The following ETNPPL variants were observed in gnomAD, a reference collection of about 807,000 sequenced individuals.
ETNPPL encodes ethanolamine-phosphate phospho-lyase.
ETNPPL carries 30 observed loss-of-function variants against 55.5 expected under a neutral mutation model. The observed-to-expected ratio is 0.54, with a 90% CI of 0.40 to 0.73. ETNPPL has a LOEUF of 0.73. ETNPPL is among the 30% of genes least tolerant of loss of function. The probability of loss-of-function intolerance (pLI) is 0.00; values close to 1 mark genes in which losing one functional copy is unlikely to be tolerated. For synonymous variants in ETNPPL, 202 were observed against 207.2 expected, an observed-to-expected ratio of 0.98 and a Z score of 0.21; for missense variants, 528 against 607.9, an observed-to-expected ratio of 0.87 and a Z score of 1.38.
At chr4:108,760,652 GT>G (rs1361749434) in intron 1 of ETNPPL, among the ~76,000 whole-genome samples, 1 of 152,018 alleles carries the variant, frequency 6.6e-6, no homozygotes, top group Non-Finnish European at 1.5e-5. Flanking sequence ...AAATAACCAA[GT>G]TTTTTTGGGG....
chr4:108,743,126 G>A (rs1292181569), intron 12 of ETNPPL, among the ~76,000 whole-genome samples: 1 of 152,168 alleles, frequency 6.6e-6, no homozygotes, highest in Admixed American at 6.5e-5. Context: ...GCGCAGGCGG[G>A]CTCGAGGCAC....
In ETNPPL at chr4:108,746,858, G is replaced by T; in HGVS notation, c.1083-7C>A. On this transcript the variant is annotated splice_region_variant and splice_polypyrimidine_tract_variant and intron_variant, in intron 9 of 12. Coordinates refer to ENST00000296486, the MANE Select transcript of ETNPPL (RefSeq NM_031279.4). ...AATAAAAAGGCCAATGCCCCTGCGAGAGGTGAAGAAAAACTTGACCCACAA... is the reference window on the plus strand; with the variant it reads ...AATAAAAAGGCCAATGCCCCTGCGATAGGTGAAGAAAAACTTGACCCACAA... 2 of 1,608,366 alleles carry T rather than the reference G, an allele frequency of 1.2e-6. No individual in the cohort carries two copies. Among genetic ancestry groups the T allele is most frequent in the Non-Finnish European group, 1.7e-6 (2 of 1,175,022 alleles).
At position 108,757,807 on chromosome 4, in the gene ETNPPL, G is replaced by T. The variant is rs528824927; in HGVS notation, c.336-1315C>A. 5.8e-4 allele frequency among the ~76,000 whole-genome samples: 88 copies of T among 151,286 alleles called. 1 individual carries two copies. Among genetic ancestry groups the T allele is most frequent in the African/African-American group, 2.1e-3 (87 of 41,036 alleles). ...TACAAAAATTAGCCCAGGCATAGTG[G>T]GTTATGTAACCCCTATGGGTTACAG... On this transcript the variant is annotated intron_variant, in intron 3 of 12. Transcript: ENST00000296486.
chr4:108,754,761 T>C (rs1036424623), intron 4 of ETNPPL, 51 bp from the exon 5 acceptor site: 3 of 1,057,508 alleles, frequency 2.8e-6, no homozygotes, highest in East Asian at 2.4e-5. Context: ...CCAAGAGAGA[T>C]ATTTTCAAGT....
At chr4:108,759,400 C>CAAA (rs59227589) in intron 3 of ETNPPL, among the ~76,000 whole-genome samples, 62 of 70,196 alleles carry the variant, frequency 8.8e-4, no homozygotes, top group South Asian at 2.0e-3. Flanking sequence ...GGCTCCATCT[C>CAAA]AAAAAAAAAA....
intron 5 of ETNPPL, among the ~76,000 whole-genome samples, chr4:108,753,808 A>AAAGAAAGAAAGAAAG (rs1560656731): frequency 1.3e-5 from 1 of 75,138 alleles, no homozygotes; most frequent in Non-Finnish European, 3.1e-5. Flanking sequence ...AAGAAAGAAA[A>AAAGAAAGAAAGAAAG]GAGAAGAAAA....
intron 1 of ETNPPL, 160 bp downstream of exon 1, chr4:108,762,683 G>T: frequency 1.2e-6 from 1 of 866,350 alleles, no homozygotes; most frequent in Non-Finnish European, 2.0e-6. Flanking sequence ...AGTCCGCGCG[G>T]CCCCTGCAGG....
chr4:108,749,559 T>C, intron 7 of ETNPPL, 96 bp from the exon 8 acceptor site: 2 of 893,940 alleles, frequency 2.2e-6, no homozygotes, highest in South Asian at 3.2e-5. Context: ...AAAAAAAAGT[T>C]GTTAACCTGA....
At chr4:108,743,018 G>C (rs1728293131) in intron 12 of ETNPPL, among the ~76,000 whole-genome samples, 1 of 152,182 alleles carries the variant, frequency 6.6e-6, no homozygotes, top group Non-Finnish European at 1.5e-5. Context: ...TGTGTTGTTA[G>C]ACGAAACAGA....
Position 108,754,705 on chromosome 4 carries a change from TA to T in ETNPPL, c.415del (p.Tyr139ThrfsTer8). ...HQDVITLDHA[Y>X]HGHLSSLIEI... ...AATTAAGGATGATAGGTGACCATGG[TA>T]AGCACTGAAGAGACAAAGAAAAAAA... is the stretch of plus-strand genomic sequence containing the variant. On this transcript the variant is annotated frameshift_variant, in exon 5 of 13. Coordinates refer to ENST00000296486, the MANE Select transcript of ETNPPL (RefSeq NM_031279.4). LOFTEE classifies it high-confidence loss of function. 1 of 1,566,332 alleles carries T rather than the reference TA, an allele frequency of 6.4e-7. No individual in the cohort carries two copies. The highest frequency in any genetic ancestry group is 8.8e-7 in the Non-Finnish European group (1 of 1,140,654).
chr4:108,762,618 G>C (rs868699047), intron 1 of ETNPPL: 3 of 648,160 alleles, frequency 4.6e-6, no homozygotes, highest in Middle Eastern at 5.7e-4. Context: ...AGCGAGCCGG[G>C]GACTTTCGAG....
intron 11 of ETNPPL, among the ~76,000 whole-genome samples, chr4:108,744,820 T>C (rs992184668): frequency 2.0e-5 from 3 of 147,846 alleles, no homozygotes; most frequent in South Asian, 2.2e-4. Context: ...TCTCAAGTAA[T>C]ACTCCCACCT....
At chr4:108,747,150 TATATATA>T (rs1728581141) in intron 9 of ETNPPL, among the ~76,000 whole-genome samples, 2 of 17,830 alleles carry the variant, frequency 1.1e-4, no homozygotes, top group South Asian at 4.7e-3. Flanking sequence ...ATATATATAA[TATATATA>T]TATATATTAT....
Position 108,744,210 on chromosome 4 carries a change from G to A in ETNPPL, c.1304-354C>T, listed in dbSNP as rs112229006. On this transcript the variant is annotated intron_variant, in intron 11 of 12. Transcript: ENST00000296486. ...TGGGACACAGAAGTTGCAGTGAGCC[G>A]AGATCACGCCACTGCACTCCAGCCT... 3.6e-3 allele frequency among the ~76,000 whole-genome samples: 545 copies of A among 151,786 alleles called. 2 individuals are homozygous for A. The highest frequency in any genetic ancestry group is 0.012 in the African/African-American group (507 of 41,356).
chr4:108,762,589 G>C (rs1729561827), intron 1 of ETNPPL: 1 of 624,876 alleles, frequency 1.6e-6, no homozygotes, highest in Non-Finnish European at 2.9e-6. Flanking sequence ...GGCAGCCCCC[G>C]CTAGTCCGCC....
chr4:108,746,984 T>A, intron 9 of ETNPPL, 133 bp from the exon 10 acceptor site: 2 of 568,102 alleles, frequency 3.5e-6, no homozygotes, highest in Non-Finnish European at 6.2e-6. Flanking sequence ...CAATCTATGT[T>A]CACAGTTGTT....
intron 1 of ETNPPL, chr4:108,762,262 C>A: frequency 2.3e-6 from 1 of 425,782 alleles, no homozygotes. Context: ...CTTGGGAGAG[C>A]AAGTTGGGTA....
chr4:108,742,378 T>G lies in ETNPPL; in HGVS notation c.*106A>C, dbSNP rs564260498. 316 of 1,159,782 alleles carry G rather than the reference T, an allele frequency of 2.7e-4. 3 individuals carry two copies. In the African/African-American group the frequency reaches 2.8e-3, roughly 10 times the overall value. 71.8% of individuals were successfully genotyped at this position (1,159,782 alleles called of 1,614,324 possible). A position where few individuals can be genotyped will look rare whatever the true frequency, so the allele number is the denominator to read the frequency against. On this transcript the variant is annotated 3_prime_UTR_variant, in exon 13 of 13. Coordinates refer to ENST00000296486, the MANE Select transcript of ETNPPL (RefSeq NM_031279.4). ...TACCTTTTCATTTATGAATCTAAAC[T>G]GACAATTCCACCTTTAGAGGTATAA...
In ETNPPL at chr4:108,762,883, T is replaced by A; in HGVS notation, c.16A>T (p.Ser6Cys). The A allele has an allele frequency of 6.2e-7, 1 of 1,614,102 alleles. No individual in the cohort carries two copies. The highest frequency in any genetic ancestry group is 1.1e-5 in the South Asian group (1 of 91,090). Residue 6 changes from serine (S) to cysteine (C), a missense_variant, in exon 1 of 13, where the codon AGT becomes TGT. Coordinates refer to ENST00000296486, the MANE Select transcript of ETNPPL (RefSeq NM_031279.4). ...CTCAGCCCCAGAGTGTCCCGCTTAC[T>A]GTACAGCTCGCACATGGTGGCGGGG... MCELY[S>C]KRDTLGLRKK...
Sources: gnomAD v4.1 joint callset for allele counts (sites outside exome capture counted in the v4.1 genomes callset) on GRCh38, gnomAD v4.1.1 for gene constraint, MANE v1.5 for transcripts, NCBI Gene and HGNC (gene_info 2026-07-23, HGNC 2026-07-21) for gene names.